The following PDCD1LG2 variants were observed in gnomAD, a reference collection of about 807,000 sequenced individuals.
PDCD1LG2 encodes the protein B7 dendritic cell molecule.
In PDCD1LG2, 32 loss-of-function variants were observed where a neutral mutation model predicts 28.2. The observed-to-expected ratio is 1.13, with a 90% CI of 0.86 to 1.52. The LOEUF is 1.52. Ranked by LOEUF, PDCD1LG2 falls within the 40% of genes most tolerant of loss-of-function variation. The pLI is 0.00. For synonymous variants in PDCD1LG2, 116 were observed against 120.2 expected (o/e 0.97, Z 0.23); for missense variants, 385 against 323.8 (o/e 1.19, Z -1.45).
chr9:5,519,786 C>T (rs67107370), intron 1 of PDCD1LG2, among the ~76,000 whole-genome samples: 11,672 of 152,212 alleles, frequency 0.077, 499 homozygotes, highest in East Asian at 0.14. Flanking sequence ...TGCTTCTCCC[C>T]CAGCCTTCTC....
At chr9:5,515,727 G>C (rs1820144811) in intron 1 of PDCD1LG2, among the ~76,000 whole-genome samples, 1 of 151,836 alleles carries the variant, frequency 6.6e-6, no homozygotes, top group African/African-American at 2.4e-5. Context: ...TTCGAGACCA[G>C]CTTGGCCAAG....
chr9:5,518,986 G>A (rs1820221837), intron 1 of PDCD1LG2, among the ~76,000 whole-genome samples: 1 of 152,132 alleles, frequency 6.6e-6, no homozygotes, highest in Admixed American at 6.5e-5. Flanking sequence ...GGAAATGACT[G>A]TCGTTGAAAA....
chr9:5,559,606 A>T (rs1816518872), intron 5 of PDCD1LG2, among the ~76,000 whole-genome samples: 1 of 152,176 alleles, frequency 6.6e-6, no homozygotes, highest in Non-Finnish European at 1.5e-5. Flanking sequence ...TTTACAGCTT[A>T]TTGGCCGAAC....
intron 2 of PDCD1LG2, among the ~76,000 whole-genome samples, chr9:5,525,183 C>T (rs1170878848): frequency 1.3e-5 from 2 of 151,878 alleles, no homozygotes; most frequent in Non-Finnish European, 2.9e-5. Flanking sequence ...CCCCTCTGTA[C>T]TAAAAATAGA....
rs1341136920 is a variant in PDCD1LG2, at chr9:5,524,911, CAGA to C, written c.55+2314_55+2316del. On this transcript the variant is annotated intron_variant, in intron 2 of 6. Coordinates refer to ENST00000397747, the MANE Select transcript of PDCD1LG2 (RefSeq NM_025239.4). ...ACAGCTATCAGGGTGTCCAGACAGACAGAAGATTACATTTTCTTCCTTGCTCCT... is the reference window on the plus strand; with the variant it reads ...ACAGCTATCAGGGTGTCCAGACAGACAGATTACATTTTCTTCCTTGCTCCT... Among the ~76,000 whole-genome samples, 17 of 152,312 alleles carry C rather than the reference CAGA, an allele frequency of 1.1e-4. No homozygotes were observed. The East Asian group carries it at 1.9e-3, about 17-fold the overall frequency.
chr9:5,539,282 C>A (rs887028275), intron 3 of PDCD1LG2, among the ~76,000 whole-genome samples: 16 of 152,222 alleles, frequency 1.1e-4, no homozygotes, highest in Non-Finnish European at 2.2e-4. Flanking sequence ...GGACCATCAC[C>A]TAAGAGTAGG....
intron 6 of PDCD1LG2, among the ~76,000 whole-genome samples, chr9:5,567,035 T>A (rs1180816160): frequency 6.6e-6 from 1 of 152,202 alleles, no homozygotes; most frequent in Non-Finnish European, 1.5e-5. Context: ...TTCACTACAT[T>A]TTTGAGTGCC....
intron 4 of PDCD1LG2, among the ~76,000 whole-genome samples, chr9:5,552,123 A>G (rs1337380041): frequency 6.6e-6 from 1 of 152,160 alleles, no homozygotes; most frequent in East Asian, 1.9e-4. Flanking sequence ...GTTGTTGCAA[A>G]TATCTTTTCA....
chr9:5,549,664 C>A (rs1040179924), intron 4 of PDCD1LG2, 60 bp downstream of exon 4: 111 of 1,582,316 alleles, frequency 7.0e-5, no homozygotes, highest in Non-Finnish European at 9.4e-5. Context: ...AAACAGATGG[C>A]ATACTCGAGT....
intron 4 of PDCD1LG2, among the ~76,000 whole-genome samples, chr9:5,553,120 A>T (rs2129898506): frequency 6.6e-6 from 1 of 152,302 alleles, no homozygotes; most frequent in South Asian, 2.1e-4. Context: ...TCCAAAAAAG[A>T]AAAGGAAAGG....
At chr9:5,515,208 C>A (rs916054031) in intron 1 of PDCD1LG2, among the ~76,000 whole-genome samples, 1 of 152,156 alleles carries the variant, frequency 6.6e-6, no homozygotes, top group Non-Finnish European at 1.5e-5. Context: ...CGCCCAATAA[C>A]ATTAAGATGA....
intron 3 of PDCD1LG2, among the ~76,000 whole-genome samples, chr9:5,546,206 G>T (rs1165140249): frequency 1.3e-5 from 2 of 151,962 alleles, no homozygotes; most frequent in Non-Finnish European, 2.9e-5. Context: ...CCAATTCCTG[G>T]CATCCCTACT....
At chr9:5,560,326 G>A (rs1333665255) in intron 5 of PDCD1LG2, among the ~76,000 whole-genome samples, 1 of 152,168 alleles carries the variant, frequency 6.6e-6, no homozygotes, top group African/African-American at 2.4e-5. Flanking sequence ...TAGCCCACAG[G>A]GCCAGTGCTA....
intron 1 of PDCD1LG2, among the ~76,000 whole-genome samples, chr9:5,513,730 C>T (rs886425675): frequency 6.6e-6 from 1 of 152,142 alleles, no homozygotes; most frequent in African/African-American, 2.4e-5. Context: ...ACTCATATAC[C>T]TATGACAGCA....
At chr9:5,554,163 T>A (rs1194676608) in intron 4 of PDCD1LG2, among the ~76,000 whole-genome samples, 1 of 152,186 alleles carries the variant, frequency 6.6e-6, no homozygotes, top group African/African-American at 2.4e-5. Flanking sequence ...ATTTTCATTG[T>A]TCACACAAGT....
chr9:5,557,725 C>G lies in PDCD1LG2; in HGVS notation c.739C>G (p.Leu247Val), dbSNP rs2129922393. The G allele has an allele frequency of 6.2e-7, 1 of 1,613,942 alleles. No individual in the cohort carries two copies. The highest frequency in any genetic ancestry group is 8.5e-7 in the Non-Finnish European group (1 of 1,179,844). Reference protein sequence around the residue: ...IATVIALRKQLCQKLYSSKDT... With the variant: ...IATVIALRKQVCQKLYSSKDT... The stretch of plus-strand genomic sequence containing the variant: ...CACAGTGATAGCCCTAAGAAAACAA[C>G]TCTGTCAAAAGCTGTATTCTTCAAA... The change falls in exon 5 of 7, where the codon CTC (leucine) becomes GTC (valine). Residue 247 changes from leucine (L) to valine (V), a missense_variant. Leu to Val is a conservative substitution (Grantham distance 32, BLOSUM62 1). Transcript: ENST00000397747.
chr9:5,525,432 T>A (rs907921000), intron 2 of PDCD1LG2, among the ~76,000 whole-genome samples: 3 of 151,542 alleles, frequency 2.0e-5, no homozygotes, highest in African/African-American at 7.3e-5. Context: ...CCTGGAGAAT[T>A]TGATTCCAGG....
intron 4 of PDCD1LG2, among the ~76,000 whole-genome samples, chr9:5,552,133 A>AT (rs1334780528): frequency 1.3e-5 from 2 of 152,196 alleles, no homozygotes; most frequent in Non-Finnish European, 2.9e-5. Flanking sequence ...ATATCTTTTC[A>AT]TTATCACTGG....
chr9:5,561,091 T>A (rs1239894434), intron 5 of PDCD1LG2, among the ~76,000 whole-genome samples: 1 of 152,174 alleles, frequency 6.6e-6, no homozygotes, highest in African/African-American at 2.4e-5. Context: ...TCAATGAAAT[T>A]TTAAACATTG....
Sources: allele counts gnomAD v4.1 joint callset (sites outside exome capture counted in the v4.1 genomes callset), GRCh38; gene constraint gnomAD v4.1.1; transcripts MANE v1.5; gene names NCBI Gene and HGNC (gene_info 2026-07-23, HGNC 2026-07-21).